The following CTNNA2 variants were observed in gnomAD, a reference collection of about 807,000 sequenced individuals.
CTNNA2 encodes catenin alpha 2.
A neutral mutation model predicts 101.0 loss-of-function variants in CTNNA2; 42 were observed. That is an observed-to-expected ratio of 0.42 (90% CI 0.32 to 0.54). The LOEUF (loss-of-function observed/expected upper bound fraction) is 0.54. Among genes scored for constraint, CTNNA2 ranks in the 20% least tolerant of loss-of-function variants. The pLI, the probability that CTNNA2 is intolerant of heterozygous loss-of-function variation, is 0.14. For missense variants in CTNNA2, 871 were observed against 1,223.1 expected (o/e 0.71, Z 4.29); for synonymous variants, 450 against 456.4 (o/e 0.99, Z 0.18).
chr2:80,462,631 C>CTTTTTTTTTTTTTTTTTTTTTT (rs753815778), intron 9 of CTNNA2, among the ~76,000 whole-genome samples: 2 of 94,768 alleles, frequency 2.1e-5, no homozygotes, highest in South Asian at 4.2e-4. Context: ...TTCTTTCTTT[C>CTTTTTTTTTTTTTTTTTTTTTT]TTTTTTTTTT....
Position 80,210,258 on chromosome 2 carries a change from C to T in CTNNA2, c.1057-182953C>T, listed in dbSNP as rs911450761. ...CTTTAAGTTCTAGGGTACAAGTGCACAACGTGCAGGTTTGTTACATATGTA... is the reference window on the plus strand; with the variant it reads ...CTTTAAGTTCTAGGGTACAAGTGCATAACGTGCAGGTTTGTTACATATGTA... On this transcript the variant is annotated intron_variant, in intron 7 of 18. Transcript: ENST00000402739. Among the ~76,000 whole-genome samples, 3 of 152,290 alleles carry T rather than the reference C, an allele frequency of 2.0e-5. No individual in the cohort carries two copies. In the South Asian group the frequency reaches 6.2e-4, roughly 32 times the overall value.
At chr2:79,894,445 A>G (rs1684557644) in intron 6 of CTNNA2, among the ~76,000 whole-genome samples, 6 of 151,984 alleles carry the variant, frequency 3.9e-5, no homozygotes, top group Admixed American at 3.9e-4. Context: ...ATCAACTTTA[A>G]AGCTCTTAGC....
At chr2:80,344,202 C>A (rs1672510193) in intron 7 of CTNNA2, among the ~76,000 whole-genome samples, 1 of 152,078 alleles carries the variant, frequency 6.6e-6, no homozygotes, top group Non-Finnish European at 1.5e-5. Flanking sequence ...TCCTGATTTT[C>A]TCCTCCTTCA....
At chr2:80,017,229 C>T (rs1694212630) in intron 7 of CTNNA2, among the ~76,000 whole-genome samples, 1 of 152,098 alleles carries the variant, frequency 6.6e-6, no homozygotes, top group African/African-American at 2.4e-5. Flanking sequence ...GACCATACTG[C>T]AGCCTCAGTA....
intron 3 of CTNNA2, among the ~76,000 whole-genome samples, chr2:79,791,485 G>C (rs140541899): frequency 1.7e-4 from 26 of 152,260 alleles, no homozygotes; most frequent in Non-Finnish European, 3.2e-4. Flanking sequence ...GTTTCATCCT[G>C]CCTGCATCTT....
chr2:79,799,712 G>C (rs948397171), intron 3 of CTNNA2, among the ~76,000 whole-genome samples: 1 of 152,112 alleles, frequency 6.6e-6, no homozygotes, highest in African/African-American at 2.4e-5. Flanking sequence ...ACTGAAAGGA[G>C]CTTCAAATTC....
At chr2:79,429,292 G>A (rs929608295) in intron 4 of CTNNA2, among the ~76,000 whole-genome samples, 1 of 151,640 alleles carries the variant, frequency 6.6e-6, no homozygotes. Flanking sequence ...CCAGTTTTTA[G>A]GTCTATGACT....
rs905006075 is a variant in CTNNA2, at chr2:80,363,242, A to G, written c.1057-29969A>G. Among the ~76,000 whole-genome samples, 9 of 145,080 alleles carry G rather than the reference A, an allele frequency of 6.2e-5. No individual in the cohort carries two copies. The Admixed American group carries it at 6.3e-4, about 10-fold the overall frequency. The stretch of plus-strand genomic sequence containing the variant: ...ATTTTTTCTTCAGAAATGATTTTTA[A>G]AAACATGAAGAAAAAAAAATGATGC... On this transcript the variant is annotated intron_variant, in intron 7 of 18. Coordinates refer to ENST00000402739, the MANE Select transcript of CTNNA2 (RefSeq NM_001282597.3).
chr2:79,945,451 C>G (rs1688431394), intron 7 of CTNNA2, among the ~76,000 whole-genome samples: 1 of 152,154 alleles, frequency 6.6e-6, no homozygotes, highest in Non-Finnish European at 1.5e-5. Flanking sequence ...ATCACTCAAA[C>G]ACAACTACTT....
chr2:80,358,343 CTTTTT>C (rs35040432), intron 7 of CTNNA2, among the ~76,000 whole-genome samples: 1 of 99,726 alleles, frequency 1.0e-5, no homozygotes, highest in Non-Finnish European at 2.1e-5. Context: ...TAGTATTCTA[CTTTTT>C]TTTTTTTTTT....
chr2:80,522,800 C>T (rs1435479828), intron 9 of CTNNA2, among the ~76,000 whole-genome samples: 1 of 152,166 alleles, frequency 6.6e-6, no homozygotes, highest in African/African-American at 2.4e-5. Flanking sequence ...CCCGTACAGC[C>T]TGCAAAACCA....
At position 80,032,182 on chromosome 2, in the gene CTNNA2, G is replaced by A. The variant is rs142073263; in HGVS notation, c.1056+122385G>A. On this transcript the variant is annotated intron_variant, in intron 7 of 18. Coordinates refer to ENST00000402739, the MANE Select transcript of CTNNA2 (RefSeq NM_001282597.3). Reference sequence around the variant, plus strand: ...AGGAAGAGCGGAGGACATGAGGAGCGTTTTGAAAGGATCCAGTGGCAGCAG... The same window carrying A: ...AGGAAGAGCGGAGGACATGAGGAGCATTTTGAAAGGATCCAGTGGCAGCAG... Among the ~76,000 whole-genome samples, 1,174 of 152,262 alleles carry A rather than the reference G, an allele frequency of 7.7e-3. 12 individuals carry two copies. Among genetic ancestry groups the A allele is most frequent in the African/African-American group, 0.027 (1,110 of 41,548 alleles).
intron 7 of CTNNA2, among the ~76,000 whole-genome samples, chr2:80,118,812 G>A (rs1395777655): frequency 3.3e-5 from 5 of 152,204 alleles, no homozygotes; most frequent in South Asian, 2.1e-4. Context: ...GGGCCCAGCC[G>A]AGGCAGCTTG....
intron 9 of CTNNA2, among the ~76,000 whole-genome samples, chr2:80,435,681 A>T (rs1052422790): frequency 6.6e-6 from 1 of 152,220 alleles, no homozygotes; most frequent in Non-Finnish European, 1.5e-5. Flanking sequence ...CATTCCATTC[A>T]TATCACCCAT....
chr2:80,123,932 A>C (rs1312104720), intron 7 of CTNNA2, among the ~76,000 whole-genome samples: 1 of 152,138 alleles, frequency 6.6e-6, no homozygotes, highest in East Asian at 1.9e-4. Flanking sequence ...GGCCACATTC[A>C]TTTGCATTTG....
chr2:80,100,253 AG>A (rs1436915959), intron 7 of CTNNA2, among the ~76,000 whole-genome samples: 1 of 152,166 alleles, frequency 6.6e-6, no homozygotes, highest in African/African-American at 2.4e-5. Context: ...AATTTTAAAC[AG>A]GCTTTACTGA....
chr2:79,743,173 G>A lies in CTNNA2; in HGVS notation c.103-1214G>A, dbSNP rs538354986. 1.5e-3 allele frequency among the ~76,000 whole-genome samples: 203 copies of A among 131,838 alleles called. 1 individual carries two copies. The highest frequency in any genetic ancestry group is 2.8e-3 in the Admixed American group (39 of 13,900). 86.5% of individuals were successfully genotyped at this position (131,838 alleles called of 152,430 possible). A position where few individuals can be genotyped will look rare whatever the true frequency, so the allele number is the denominator to read the frequency against. On this transcript the variant is annotated intron_variant, in intron 2 of 18. Transcript: ENST00000402739. ...ACAGAACCTACATTCTTGTGAAGCC[G>A]ATAAAAAAAAAATACAGCAGTAAAC...
At chr2:79,653,284 T>A (rs1220322385) in intron 2 of CTNNA2, among the ~76,000 whole-genome samples, 1 of 143,182 alleles carries the variant, frequency 7.0e-6, no homozygotes, top group Non-Finnish European at 1.5e-5. Context: ...ATCCATCTCC[T>A]ACCTGTAGAA....
At chr2:80,095,709 A>C (rs1273050906) in intron 7 of CTNNA2, among the ~76,000 whole-genome samples, 1 of 152,070 alleles carries the variant, frequency 6.6e-6, no homozygotes, top group Non-Finnish European at 1.5e-5. Context: ...CAGAGATTCA[A>C]CTTCTTCCTG....
Sources: gnomAD v4.1 joint callset for allele counts (sites outside exome capture counted in the v4.1 genomes callset) on GRCh38, gnomAD v4.1.1 for gene constraint, MANE v1.5 for transcripts, NCBI Gene and HGNC (gene_info 2026-07-23, HGNC 2026-07-21) for gene names.